Variants in VNN2 observed in about 807,000 individuals in gnomAD.
The protein encoded by VNN2 is vanin 2, also known as pantetheine hydrolase VNN2.
Under a neutral mutation model 43.0 loss-of-function variants are expected in VNN2, and 43 were observed. The ratio of observed to expected loss-of-function variants is 1.00; its 90% confidence interval spans 0.78 to 1.29. The LOEUF is 1.29. VNN2 is among the 50% of genes most tolerant of loss of function. VNN2 has a pLI of 0.00. For synonymous variants in VNN2, 230 were observed against 224.3 expected, an observed-to-expected ratio of 1.03 and a Z score of -0.23; for missense variants, 652 against 619.7, an observed-to-expected ratio of 1.05 and a Z score of -0.55.
At chr6:132,755,791 C>A in intron 3 of VNN2, 52 bp downstream of exon 3, 1 of 1,524,308 alleles carries the variant, frequency 6.6e-7, no homozygotes. Flanking sequence ...CTAAACCCAG[C>A]ATTGACCACT....
intron 3 of VNN2, among the ~76,000 whole-genome samples, chr6:132,754,126 T>C (rs12193361): frequency 0.038 from 5,740 of 152,270 alleles, 163 homozygotes; most frequent in Middle Eastern, 0.092. Flanking sequence ...TTGTCCACAT[T>C]CAGTGCACTG....
Position 132,757,254 on chromosome 6 carries a change from T to C in VNN2, c.344+162A>G, listed in dbSNP as rs557018258. ...TTTTCAATCACAAAAGATTGTTAAA[T>C]AGTATCTAAGTACAATTTTTTAAAA... On this transcript the variant is annotated intron_variant, in intron 2 of 6. Coordinates refer to ENST00000326499, the MANE Select transcript of VNN2 (RefSeq NM_004665.6). Among the ~76,000 whole-genome samples, 3 of 152,380 alleles carry C rather than the reference T, an allele frequency of 2.0e-5. No homozygotes were observed. In the South Asian group the frequency reaches 6.2e-4, roughly 32 times the overall value.
chr6:132,745,736 G>T (rs1453404105), intron 6 of VNN2, among the ~76,000 whole-genome samples: 2 of 152,202 alleles, frequency 1.3e-5, no homozygotes, highest in Non-Finnish European at 2.9e-5. Context: ...TTAATGACTA[G>T]ATCTAGCCTG....
At chr6:132,749,525 A>AGCCT (rs1236610649) in intron 6 of VNN2, among the ~76,000 whole-genome samples, 170 bp downstream of exon 6, 1 of 152,200 alleles carries the variant, frequency 6.6e-6, no homozygotes, top group Non-Finnish European at 1.5e-5. Flanking sequence ...CCAGAAAAAC[A>AGCCT]GCCTACCTAC....
chr6:132,749,650 C>T (rs1396901141), intron 6 of VNN2, 45 bp downstream of exon 6: 7 of 1,549,194 alleles, frequency 4.5e-6, no homozygotes, highest in Non-Finnish European at 6.1e-6. Context: ...TACTTGACTT[C>T]AGAGAACATA....
chr6:132,761,647 G>C (rs1395218146), upstream of VNN2, among the ~76,000 whole-genome samples: 1 of 152,114 alleles, frequency 6.6e-6, no homozygotes, highest in East Asian at 1.9e-4. Flanking sequence ...GTGACAGAGT[G>C]AGACTCTGTC....
At chr6:132,754,910 A>G (rs1484594698) in intron 3 of VNN2, among the ~76,000 whole-genome samples, 1 of 152,256 alleles carries the variant, frequency 6.6e-6, no homozygotes, top group Non-Finnish European at 1.5e-5. Flanking sequence ...TCAGTGGCTC[A>G]TGCCTCTAAT....
In VNN2 at chr6:132,752,740, A is replaced by G. The variant is rs1780197901; in HGVS notation, c.547T>C (p.Tyr183His). ...GGGACATTAAACTGAGGCTCAGAGT[A>G]CAGGTGGTACTACAACAAATGGATA... ...LVARYHKYHL[Y>H]SEPQFNVPEK... The change falls in exon 4 of 7, where the codon TAC (tyrosine) becomes CAC (histidine). Residue 183 changes from tyrosine to histidine, a missense_variant. Physicochemically the swap from Tyr to His is moderately conservative, Grantham distance 83 (BLOSUM62 2). Coordinates refer to ENST00000326499, the MANE Select transcript of VNN2 (RefSeq NM_004665.6). The G allele has an allele frequency of 6.2e-7, 1 of 1,613,208 alleles. No homozygotes were observed. The highest frequency in any genetic ancestry group is 1.3e-5 in the African/African-American group (1 of 74,886).
At chr6:132,751,869 A>G (rs1780127617) in intron 4 of VNN2, among the ~76,000 whole-genome samples, 1 of 152,178 alleles carries the variant, frequency 6.6e-6, no homozygotes, top group African/African-American at 2.4e-5. Context: ...TGGTTTTCAA[A>G]TATATCCAAA....
intron 6 of VNN2, among the ~76,000 whole-genome samples, chr6:132,746,002 G>A (rs1029472626): frequency 6.6e-6 from 1 of 152,200 alleles, no homozygotes; most frequent in African/African-American, 2.4e-5. Flanking sequence ...AGAAGATAAT[G>A]ATTGTACTTC....
chr6:132,760,690 A>G (rs1259919658), upstream of VNN2: 1 of 152,096 alleles, frequency 6.6e-6, no homozygotes, highest in Non-Finnish European at 1.5e-5. Flanking sequence ...GCTTTTAAGT[A>G]GTCAGGTAAG....
At position 132,757,781 on chromosome 6, in the gene VNN2, C is replaced by A. The variant is rs767643735; in HGVS notation, c.103G>T (p.Val35Phe). The change falls in exon 1 of 7, where the codon GTC becomes TTC. Residue 35 changes from valine (V) to phenylalanine (F), a missense_variant. Val to Phe is a conservative substitution (Grantham distance 50). Transcript: ENST00000326499. ...GTTTCTGTTTTATTTGGCAAAATGA[C>A]AGCATGTTCATACACTGCAGCTATA... The part of the protein sequence containing the change: ...SFIAAVYEHA[V>F]ILPNKTETPV... The A allele has an allele frequency of 5.0e-5, 80 of 1,614,128 alleles. No individual in the cohort carries two copies. In the Admixed American group the frequency reaches 1.3e-3, roughly 27 times the overall value.
upstream of VNN2, among the ~76,000 whole-genome samples, chr6:132,760,375 C>T (rs3756971): frequency 0.043 from 6,545 of 152,108 alleles, 209 homozygotes; most frequent in African/African-American, 0.087. Flanking sequence ...GAAGTTTCAC[C>T]ATGTTGCCCA....
chr6:132,744,685 G>C (rs990855699), intron 6 of VNN2, among the ~76,000 whole-genome samples, 194 bp from the exon 7 acceptor site: 16 of 152,150 alleles, frequency 1.1e-4, no homozygotes, highest in Admixed American at 9.2e-4. Context: ...GAGGGCCCAA[G>C]ATTTTAGTTT....
chr6:132,752,804 C>T, intron 3 of VNN2, 55 bp from the exon 4 acceptor site: 1 of 1,545,492 alleles, frequency 6.5e-7, no homozygotes. Context: ...GAAGAAATGA[C>T]TCATAAAAAC....
chr6:132,757,837 A>G lies in VNN2; in HGVS notation c.47T>C (p.Ile16Thr). 1 of 1,614,110 alleles carries G rather than the reference A, an allele frequency of 6.2e-7. No individual in the cohort carries two copies. Among genetic ancestry groups the G allele is most frequent in the Non-Finnish European group, 8.5e-7 (1 of 1,180,008 alleles). Reference sequence around the variant, plus strand: ...GTCCTGAGTACCAACCTGCAGGGTTATTAGGGCAAAAACTGCCACAGAGAT... The same window carrying G: ...GTCCTGAGTACCAACCTGCAGGGTTGTTAGGGCAAAAACTGCCACAGAGAT... ...FPISVAVFAL[I>T]TLQVGTQDSF... The change falls in exon 1 of 7, where the codon ATA (isoleucine) becomes ACA (threonine). Residue 16 changes from isoleucine to threonine, a missense_variant. Physicochemically the swap from Ile to Thr is moderately conservative, Grantham distance 89. Transcript: ENST00000326499.
chr6:132,746,357 A>G (rs1779717535), intron 6 of VNN2, among the ~76,000 whole-genome samples: 1 of 152,232 alleles, frequency 6.6e-6, no homozygotes. Context: ...CTATGGAGAG[A>G]GTGTGCATCC....
rs1780373310 is a variant in VNN2, at chr6:132,755,131, AC to A, written c.537+711del. Among the ~76,000 whole-genome samples, 6 of 152,308 alleles carry A rather than the reference AC, an allele frequency of 3.9e-5. No individual in the cohort carries two copies. In the South Asian group the frequency reaches 1.2e-3, roughly 32 times the overall value. ...GTTAACAGTGAGCCATGATGGCTCC[AC>A]TGCACTCCAGCCTGGGCAACAGTGA... is the stretch of plus-strand genomic sequence containing the variant. On this transcript the variant is annotated intron_variant, in intron 3 of 6. Coordinates refer to ENST00000326499, the MANE Select transcript of VNN2 (RefSeq NM_004665.6).
rs778332017 is a variant in VNN2, at chr6:132,757,670, C to A, written c.213+1G>T. The A allele has an allele frequency of 1.9e-6, 3 of 1,613,590 alleles. No homozygotes were observed. The highest frequency in any genetic ancestry group is 2.7e-5 in the African/African-American group (2 of 74,904). ...TATGATTAACAGAAATAAGAGAATA[C>A]CTGCTCAGCTGCCTGCTTGATCGCT... On this transcript the variant is annotated splice_donor_variant, in intron 1 of 6. Transcript: ENST00000326499. LOFTEE classifies it high-confidence loss of function.
Sources: allele counts gnomAD v4.1 joint callset (sites outside exome capture counted in the v4.1 genomes callset), GRCh38; gene constraint gnomAD v4.1.1; transcripts MANE v1.5; gene names NCBI Gene and HGNC (gene_info 2026-07-23, HGNC 2026-07-21).